The following TBCK variants were observed in gnomAD, a reference collection of about 807,000 sequenced individuals.
The protein encoded by TBCK is TBC domain-containing protein kinase-like protein.
A neutral mutation model predicts 113.4 loss-of-function variants in TBCK; 99 were observed. The ratio of observed to expected loss-of-function variants is 0.87; its 90% CI spans 0.74 to 1.03. The LOEUF is 1.03. TBCK is among the 50% of genes least tolerant of loss of function. The pLI is 0.00. For synonymous variants in TBCK, 369 were observed against 370.8 expected (o/e 1.00, Z 0.05); for missense variants, 1,045 against 1,061.3 (o/e 0.98, Z 0.21).
At chr4:106,278,720 T>A (rs1343124227) in intron 3 of TBCK, among the ~76,000 whole-genome samples, 1 of 151,808 alleles carries the variant, frequency 6.6e-6, no homozygotes, top group East Asian at 1.9e-4. Context: ...AAAGTAAATA[T>A]AAAATGTATA....
At chr4:106,176,580 A>C (rs1466288366) in intron 22 of TBCK, among the ~76,000 whole-genome samples, 1 of 151,952 alleles carries the variant, frequency 6.6e-6, no homozygotes, top group Non-Finnish European at 1.5e-5. Flanking sequence ...TCATTCATTC[A>C]TTGATAGACA....
intron 25 of TBCK, among the ~76,000 whole-genome samples, chr4:106,081,974 T>C (rs1231725752): frequency 2.6e-5 from 4 of 152,134 alleles, no homozygotes; most frequent in South Asian, 2.1e-4. Flanking sequence ...TGAGGTTGCA[T>C]AGAAAAGGGA....
intron 3 of TBCK, among the ~76,000 whole-genome samples, chr4:106,284,675 T>TA (rs1403892245): frequency 6.6e-6 from 1 of 152,204 alleles, no homozygotes; most frequent in Non-Finnish European, 1.5e-5. Flanking sequence ...GTCCATGAGC[T>TA]ACATTTGCTG....
chr4:106,300,675 A>G (rs1766844636), intron 2 of TBCK, among the ~76,000 whole-genome samples: 1 of 152,220 alleles, frequency 6.6e-6, no homozygotes, highest in Admixed American at 6.5e-5. Context: ...CAGTCATTCA[A>G]TCAAATACTA....
chr4:106,295,980 G>T (rs1357657408), intron 2 of TBCK, among the ~76,000 whole-genome samples: 1 of 152,214 alleles, frequency 6.6e-6, no homozygotes, highest in East Asian at 1.9e-4. Flanking sequence ...GATGTGTGCA[G>T]TCCAAACCCA....
At chr4:106,218,457 C>T (rs1312490275) in intron 19 of TBCK, among the ~76,000 whole-genome samples, 4 of 145,794 alleles carry the variant, frequency 2.7e-5, no homozygotes, top group South Asian at 4.5e-4. Context: ...AGAAAATATT[C>T]GCAACCTACT....
intron 25 of TBCK, among the ~76,000 whole-genome samples, chr4:106,090,352 C>T (rs774568381): frequency 6.6e-6 from 1 of 152,182 alleles, no homozygotes; most frequent in South Asian, 2.1e-4. Context: ...GGGTCCTGGG[C>T]CTGACCACTG....
intron 23 of TBCK, among the ~76,000 whole-genome samples, chr4:106,137,720 C>A (rs1449507889): frequency 7.2e-6 from 1 of 139,722 alleles, no homozygotes; most frequent in Non-Finnish European, 1.6e-5. Context: ...TAGAGAGAAT[C>A]TCCTCCCCTC....
In TBCK at chr4:106,045,127, T is replaced by C. The variant is rs1734108544; in HGVS notation, c.*1443A>G. On this transcript the variant is annotated 3_prime_UTR_variant, in exon 26 of 26. Transcript: ENST00000394708. ...AGGCTGGGGTACAGTGGCCCTATCA[T>C]GGCTCATTGCAACCTCTGCCTCTCA... The C allele has an allele frequency of 6.6e-6, 1 of 151,102 alleles. No homozygotes were observed. The highest frequency in any genetic ancestry group is 6.6e-5 in the Admixed American group (1 of 15,044). The allele number at this position is 151,102 out of a possible 1,614,324, so 9.4% of individuals were successfully genotyped here.
At chr4:106,101,243 C>T (rs959084928) in intron 24 of TBCK, among the ~76,000 whole-genome samples, 10 of 152,082 alleles carry the variant, frequency 6.6e-5, no homozygotes, top group Non-Finnish European at 5.9e-5. Flanking sequence ...CACAGCAAAT[C>T]GGAGCTCTTT....
At chr4:106,103,763 AG>A (rs1741824804) in intron 24 of TBCK, among the ~76,000 whole-genome samples, 1 of 152,216 alleles carries the variant, frequency 6.6e-6, no homozygotes, top group Non-Finnish European at 1.5e-5. Context: ...GGAGAAAAAC[AG>A]AAGGGGGCAA....
intron 23 of TBCK, among the ~76,000 whole-genome samples, chr4:106,170,034 C>T (rs563946457): frequency 7.2e-4 from 110 of 152,138 alleles, no homozygotes; most frequent in Non-Finnish European, 1.3e-3. Flanking sequence ...TGCCATTCAC[C>T]TCCTGCTGTA....
chr4:106,116,453 C>A, intron 23 of TBCK, 75 bp from the exon 24 acceptor site: 3 of 1,198,350 alleles, frequency 2.5e-6, no homozygotes, highest in South Asian at 2.8e-5. Context: ...AATAGAATAT[C>A]TTGATACCAA....
intron 3 of TBCK, among the ~76,000 whole-genome samples, chr4:106,263,743 T>G (rs1579439929): frequency 1.3e-5 from 2 of 152,004 alleles, no homozygotes; most frequent in East Asian, 3.9e-4. Context: ...CTCTCCGAAA[T>G]TAAAACCAAA....
At position 106,316,137 on chromosome 4, in the gene TBCK, T is replaced by TA. The variant is rs577680718; in HGVS notation, c.-237dup. 362 of 159,236 alleles carry TA rather than the reference T, an allele frequency of 2.3e-3. 1 individual carries two copies. The highest frequency in any genetic ancestry group is 8.4e-3 in the African/African-American group (352 of 41,832). 9.9% of individuals were successfully genotyped at this position (159,236 alleles called of 1,614,324 possible). A position where few individuals can be genotyped will look rare whatever the true frequency, so the allele number is the denominator to read the frequency against. On this transcript the variant is annotated 5_prime_UTR_variant, in exon 1 of 26. Transcript: ENST00000394708. ...GCTCGCGAGCCAAGTCAGCCAAGGT[T>TA]AACCTTCGCGGAACCCGGCGAGGAG...
intron 22 of TBCK, among the ~76,000 whole-genome samples, chr4:106,177,704 G>A (rs1240074856): frequency 6.6e-6 from 1 of 151,878 alleles, no homozygotes; most frequent in African/African-American, 2.4e-5. Flanking sequence ...AGGTTTTTAT[G>A]TCAGTACAAT....
intron 2 of TBCK, 48 bp downstream of exon 2, chr4:106,308,720 G>C: frequency 6.6e-7 from 1 of 1,511,322 alleles, no homozygotes; most frequent in Non-Finnish European, 9.0e-7. Flanking sequence ...TATAACTTAG[G>C]GTAACAAAGT....
In TBCK at chr4:106,139,708, A is replaced by G. The variant is rs549174086; in HGVS notation, c.2236-23330T>C. ...CCAGAGATCATAGAGATGTACTTTGAGTTTGTAATAGTATGACATATATTA... is the reference window on the plus strand; with the variant it reads ...CCAGAGATCATAGAGATGTACTTTGGGTTTGTAATAGTATGACATATATTA... On this transcript the variant is annotated intron_variant, in intron 23 of 25. Coordinates refer to ENST00000394708, the MANE Select transcript of TBCK (RefSeq NM_001163435.3). Among the ~76,000 whole-genome samples, 2 of 141,468 alleles carry G rather than the reference A, an allele frequency of 1.4e-5. 1 individual carries two copies. The highest frequency in any genetic ancestry group is 3.2e-5 in the Non-Finnish European group (2 of 62,266). 92.8% of individuals were successfully genotyped at this position (141,468 alleles called of 152,430 possible).
At chr4:106,315,770 T>A (rs535364062) in intron 1 of TBCK, 161 bp downstream of exon 1, 1 of 152,326 alleles carries the variant, frequency 6.6e-6, no homozygotes, top group Non-Finnish European at 1.5e-5. Flanking sequence ...AGGCGGGCTG[T>A]AGCTAGGGAT....
Sources: gnomAD v4.1 joint callset for allele counts (sites outside exome capture counted in the v4.1 genomes callset) on GRCh38, gnomAD v4.1.1 for gene constraint, MANE v1.5 for transcripts, NCBI Gene and HGNC (gene_info 2026-07-23, HGNC 2026-07-21) for gene names.